Variants in MYT1L observed in about 807,000 individuals in gnomAD.
MYT1L encodes the protein myelin transcription factor 1-like protein.
Under a neutral mutation model 126.7 loss-of-function variants are expected in MYT1L, and 12 were observed. The observed-to-expected ratio is 0.09, with a 90% confidence interval of 0.06 to 0.15. MYT1L has a LOEUF of 0.15. Ranked by LOEUF, MYT1L falls within the 10% of genes least tolerant of loss-of-function variation. The pLI is 1.00. For missense variants in MYT1L, 979 were observed against 1,585.2 expected (o/e 0.62, Z 6.49); for synonymous variants, 541 against 604.2 (o/e 0.90, Z 1.53).
chr2:2,231,694 C>T (rs938939588), intron 2 of MYT1L, among the ~76,000 whole-genome samples: 8 of 152,198 alleles, frequency 5.3e-5, no homozygotes, highest in Admixed American at 1.3e-4. Context: ...GCAATCCACC[C>T]GCCTCAGCCT....
intron 3 of MYT1L, among the ~76,000 whole-genome samples, chr2:2,171,941 T>G (rs750086591): frequency 2.0e-5 from 3 of 152,270 alleles, no homozygotes; most frequent in Admixed American, 1.3e-4. Flanking sequence ...AACCTTAAAA[T>G]GCACACCACA....
chr2:1,789,790 C>G lies in MYT1L; in HGVS notation c.*2077G>C, dbSNP rs1384593987. The G allele has an allele frequency of 4.6e-5, 7 of 152,206 alleles. No individual in the cohort carries two copies. Among genetic ancestry groups the G allele is most frequent in the African/African-American group, 1.7e-4 (7 of 41,448 alleles). 9.4% of individuals were successfully genotyped at this position (152,206 alleles called of 1,614,324 possible). Reference sequence around the variant, plus strand: ...TTCAGCTCTCAAAACGCATTCTGAGCATGGCAGCTGCAACCAATAGCACAA... The same window carrying G: ...TTCAGCTCTCAAAACGCATTCTGAGGATGGCAGCTGCAACCAATAGCACAA... On this transcript the variant is annotated 3_prime_UTR_variant, in exon 25 of 25. Coordinates refer to ENST00000647738, the MANE Select transcript of MYT1L (RefSeq NM_001303052.2).
intron 3 of MYT1L, among the ~76,000 whole-genome samples, chr2:2,102,622 G>A (rs1328541476): frequency 2.7e-5 from 4 of 150,584 alleles, no homozygotes; most frequent in African/African-American, 4.9e-5. Context: ...GTGTGTGTGT[G>A]TGTGTGTGTG....
chr2:1,980,847 A>C (rs1489514605), intron 5 of MYT1L, among the ~76,000 whole-genome samples: 2 of 152,132 alleles, frequency 1.3e-5, no homozygotes, highest in Non-Finnish European at 2.9e-5. Flanking sequence ...TGCACATGGC[A>C]AACTGGATAG....
chr2:1,863,444 T>C (rs1234529302), intron 18 of MYT1L, among the ~76,000 whole-genome samples: 1 of 152,062 alleles, frequency 6.6e-6, no homozygotes, highest in East Asian at 1.9e-4. Context: ...CACCCAAGGG[T>C]GAGAAGACTG....
At chr2:1,934,178 G>T (rs573509884) in intron 9 of MYT1L, among the ~76,000 whole-genome samples, 23 of 151,394 alleles carry the variant, frequency 1.5e-4, no homozygotes, top group Non-Finnish European at 2.7e-4. Flanking sequence ...GTTTCATCGT[G>T]TTAGCCAGGA....
chr2:2,041,999 T>C (rs1248204796), intron 4 of MYT1L, among the ~76,000 whole-genome samples: 2 of 152,090 alleles, frequency 1.3e-5, no homozygotes, highest in African/African-American at 4.8e-5. Flanking sequence ...ATCTTAGAAG[T>C]AGAGTTTTGT....
intron 4 of MYT1L, among the ~76,000 whole-genome samples, chr2:2,001,868 G>A (rs1330315637): frequency 1.3e-5 from 2 of 152,150 alleles, no homozygotes; most frequent in African/African-American, 4.8e-5. Flanking sequence ...TTCATTCCTC[G>A]AATGGGTCTT....
chr2:1,794,253 C>T (rs1183342052), intron 23 of MYT1L, among the ~76,000 whole-genome samples: 1 of 152,248 alleles, frequency 6.6e-6, no homozygotes, highest in African/African-American at 2.4e-5. Flanking sequence ...CCTGCAGAGG[C>T]CTCGCCATCG....
At chr2:2,143,365 C>T (rs2084336571) in intron 3 of MYT1L, among the ~76,000 whole-genome samples, 1 of 151,202 alleles carries the variant, frequency 6.6e-6, no homozygotes, top group Admixed American at 6.6e-5. Context: ...AAAACAGGAA[C>T]TGACGGAGGA....
chr2:2,283,137 G>A (rs2095473456), intron 2 of MYT1L, among the ~76,000 whole-genome samples: 1 of 152,176 alleles, frequency 6.6e-6, no homozygotes, highest in Non-Finnish European at 1.5e-5. Context: ...GGAAAAAGGA[G>A]TAAAGAACAA....
intron 18 of MYT1L, among the ~76,000 whole-genome samples, chr2:1,857,683 G>T (rs1159523939): frequency 6.6e-6 from 1 of 152,016 alleles, no homozygotes; most frequent in East Asian, 1.9e-4. Flanking sequence ...ACCTATAGGA[G>T]AAAAACATAT....
At chr2:2,276,025 T>C (rs540666344) in intron 2 of MYT1L, among the ~76,000 whole-genome samples, 30 of 152,312 alleles carry the variant, frequency 2.0e-4, no homozygotes, top group African/African-American at 6.7e-4. Context: ...TATGGAGTTG[T>C]GTTTTTTTAT....
At chr2:1,980,942 C>T (rs938452008) in intron 5 of MYT1L, among the ~76,000 whole-genome samples, 9 of 152,162 alleles carry the variant, frequency 5.9e-5, no homozygotes, top group Admixed American at 4.6e-4. Flanking sequence ...ATGGCCTCTA[C>T]ACCGGCTCAC....
intron 8 of MYT1L, among the ~76,000 whole-genome samples, chr2:1,970,003 T>C (rs144202508): frequency 6.6e-6 from 1 of 152,230 alleles, no homozygotes; most frequent in African/African-American, 2.4e-5. Context: ...CAGTATCTTA[T>C]TGAAGCAACG....
At chr2:2,155,596 T>G (rs1017762217) in intron 3 of MYT1L, among the ~76,000 whole-genome samples, 7 of 152,150 alleles carry the variant, frequency 4.6e-5, no homozygotes, top group African/African-American at 7.2e-5. Context: ...TTGCTAAATT[T>G]AAAACCCTCA....
chr2:1,975,744 A>G (rs1337471404), intron 8 of MYT1L, among the ~76,000 whole-genome samples: 2 of 152,120 alleles, frequency 1.3e-5, no homozygotes, highest in Non-Finnish European at 2.9e-5. Context: ...CACACTTGTA[A>G]TCCCAGCTAC....
In MYT1L at chr2:1,943,705, TA is replaced by T. The variant is rs2056915970; in HGVS notation, c.153-372del. Reference sequence around the variant, plus strand: ...ATGAAACATTTTACCAAATATATACTATGTATAATATACATCTGAAGCAAGA... The same window carrying T: ...ATGAAACATTTTACCAAATATATACTTGTATAATATACATCTGAAGCAAGA... On this transcript the variant is annotated intron_variant, in intron 8 of 24. Coordinates refer to ENST00000647738, the MANE Select transcript of MYT1L (RefSeq NM_001303052.2). The surrounding 1 kb of genome is among the most constrained non-coding windows in gnomAD (Gnocchi z 4.4). Among the ~76,000 whole-genome samples the T allele has an allele frequency of 6.6e-6, 1 of 152,228 alleles. No individual in the cohort carries two copies. The highest frequency in any genetic ancestry group is 1.5e-5 in the Non-Finnish European group (1 of 68,048).
chr2:2,267,131 C>T (rs771543320), intron 2 of MYT1L, among the ~76,000 whole-genome samples: 1 of 152,262 alleles, frequency 6.6e-6, no homozygotes, highest in East Asian at 1.9e-4. Flanking sequence ...AGGGGCAGGG[C>T]GTGCCTGGGA....
Sources: allele counts gnomAD v4.1 joint callset (sites outside exome capture counted in the v4.1 genomes callset), GRCh38; gene constraint gnomAD v4.1.1; non-coding constraint Gnocchi (gnomAD v3.1); transcripts MANE v1.5; gene names NCBI Gene and HGNC (gene_info 2026-07-23, HGNC 2026-07-21).